The following ADGRL2 variants were observed in gnomAD, a reference collection of about 807,000 sequenced individuals.
ADGRL2 encodes calcium-independent alpha-latrotoxin receptor 2.
ADGRL2 carries 44 observed loss-of-function variants against 157.4 expected under a neutral mutation model. The observed-to-expected ratio is 0.28, with a 90% CI of 0.22 to 0.36. ADGRL2 has a LOEUF of 0.36. Ranked by LOEUF, ADGRL2 falls within the 10% of genes least tolerant of loss-of-function variation. The pLI is 1.00. For missense variants in ADGRL2, 1,510 were observed against 1,768.9 expected (o/e 0.85, Z 2.63); for synonymous variants, 585 against 624.7 (o/e 0.94, Z 0.95).
intron 1 of ADGRL2, among the ~76,000 whole-genome samples, chr1:81,419,359 A>G (rs1457953806): frequency 6.6e-6 from 1 of 152,028 alleles, no homozygotes; most frequent in Non-Finnish European, 1.5e-5. Context: ...GTCCACCACC[A>G]CACCTGGCTA....
intron 1 of ADGRL2, among the ~76,000 whole-genome samples, chr1:81,805,424 T>G (rs2088967174): frequency 2.0e-5 from 3 of 152,076 alleles, no homozygotes; most frequent in Non-Finnish European, 4.4e-5. Flanking sequence ...TAGTTTTACC[T>G]TAGATGTTTG....
chr1:81,425,264 G>A (rs956692975), intron 1 of ADGRL2, among the ~76,000 whole-genome samples: 4 of 152,190 alleles, frequency 2.6e-5, no homozygotes, highest in East Asian at 1.9e-4. Context: ...ACGTACCCAT[G>A]CATGTGTACA....
intron 1 of ADGRL2, among the ~76,000 whole-genome samples, chr1:81,408,767 T>C (rs1331661172): frequency 6.6e-6 from 1 of 152,206 alleles, no homozygotes; most frequent in East Asian, 1.9e-4. Flanking sequence ...TGAGATCATT[T>C]TTGATATCTC....
chr1:81,388,528 C>A (rs1176010624), intron 1 of ADGRL2, among the ~76,000 whole-genome samples: 2 of 152,156 alleles, frequency 1.3e-5, no homozygotes, highest in African/African-American at 4.8e-5. Flanking sequence ...CATCCCACCT[C>A]AAAATAAATG....
rs201752966 is a variant in ADGRL2 at position 81,917,429 on chromosome 1, A to AT, written c.287+10207dup. Reference sequence around the variant, plus strand: ...AAGTATATTATAGCAATGTAGTTAGATTTTTTTTAGTGCTGTTTATTACTC... The same window carrying AT: ...AAGTATATTATAGCAATGTAGTTAGATTTTTTTTTAGTGCTGTTTATTACTC... On this transcript the variant is annotated intron_variant, in intron 3 of 23. Transcript: ENST00000686636. Among the ~76,000 whole-genome samples, 1,261 of 151,788 alleles carry AT rather than the reference A, an allele frequency of 8.3e-3. 8 individuals carry two copies. Among genetic ancestry groups the AT allele is most frequent in the Non-Finnish European group, 0.014 (963 of 67,940 alleles).
At chr1:81,854,478 A>C (rs148772731) in intron 2 of ADGRL2, among the ~76,000 whole-genome samples, 1 of 152,288 alleles carries the variant, frequency 6.6e-6, no homozygotes, top group East Asian at 1.9e-4. Context: ...AACCTGTACA[A>C]GTTATTTAAC....
intron 3 of ADGRL2, among the ~76,000 whole-genome samples, chr1:81,628,589 A>G (rs1198710678): frequency 3.3e-5 from 5 of 152,168 alleles, no homozygotes; most frequent in African/African-American, 4.8e-5. Flanking sequence ...AACTGAAACC[A>G]TGAGCAAGCC....
chr1:81,714,396 C>G (rs1033110451), intron 1 of ADGRL2, among the ~76,000 whole-genome samples: 1 of 152,164 alleles, frequency 6.6e-6, no homozygotes, highest in South Asian at 2.1e-4. Flanking sequence ...CTTAAAAATA[C>G]ATGCATCAAG....
chr1:81,901,277 A>G (rs2094481268), intron 2 of ADGRL2, among the ~76,000 whole-genome samples: 2 of 152,212 alleles, frequency 1.3e-5, no homozygotes. Flanking sequence ...TGGAGAATTA[A>G]GAGGAAATAT....
chr1:81,732,816 AC>A (rs1425421980), intron 1 of ADGRL2, among the ~76,000 whole-genome samples: 1 of 152,102 alleles, frequency 6.6e-6, no homozygotes, highest in Non-Finnish European at 1.5e-5. Flanking sequence ...ATGTCTTAAG[AC>A]TTTTATTTGA....
Position 81,966,562 on chromosome 1 carries a change from C to A in ADGRL2, c.2302C>A (p.Arg768=). The change falls in exon 13 of 24, where the codon CGA becomes AGA. Residue 768 remains arginine (R), a synonymous_variant. Transcript: ENST00000686636. ...ISVSINKESS[R]VYLTDPVLFT... ...AGTTTCAATCAATAAAGAGTCCAGCCGAGTATACCTGACTGATCCTGTGCT... is the reference window on the plus strand; with the variant it reads ...AGTTTCAATCAATAAAGAGTCCAGCAGAGTATACCTGACTGATCCTGTGCT... 2.5e-6 allele frequency: 4 copies of A among 1,613,992 alleles called. No homozygotes were observed. The highest frequency in any genetic ancestry group is 3.4e-6 in the Non-Finnish European group (4 of 1,179,970).
In ADGRL2 at chr1:81,855,539, CTTCTTT is replaced by C. The variant is rs147323058; in HGVS notation, c.73+18497_73+18502del. Among the ~76,000 whole-genome samples the C allele has an allele frequency of 9.2e-5, 14 of 152,170 alleles. 1 individual carries two copies. The highest frequency in any genetic ancestry group is 1.9e-4 in the East Asian group (1 of 5,178). On this transcript the variant is annotated intron_variant, in intron 2 of 23. Coordinates refer to ENST00000686636, the MANE Select transcript of ADGRL2 (RefSeq NM_001366006.2). Reference sequence around the variant, plus strand: ...CAGTATTTTGATACTTTTTCTTCCTCTTCTTTTTCTTTTTCTTTTTTTTACTTTTTA... The same window carrying C: ...CAGTATTTTGATACTTTTTCTTCCTCTTCTTTTTCTTTTTTTTACTTTTTA...
At chr1:81,646,604 C>G (rs538529342) in intron 3 of ADGRL2, among the ~76,000 whole-genome samples, 6 of 152,210 alleles carry the variant, frequency 3.9e-5, no homozygotes, top group Admixed American at 1.3e-4. Flanking sequence ...TTAACAGGAG[C>G]CATAGTGAGG....
intron 2 of ADGRL2, among the ~76,000 whole-genome samples, chr1:81,839,501 C>G (rs751042405): frequency 2.0e-5 from 3 of 151,774 alleles, no homozygotes; most frequent in Non-Finnish European, 4.4e-5. Flanking sequence ...TACACTGCAC[C>G]ATATATGTTG....
At chr1:81,389,076 T>C (rs1298991753) in intron 1 of ADGRL2, among the ~76,000 whole-genome samples, 2 of 152,324 alleles carry the variant, frequency 1.3e-5, no homozygotes, top group East Asian at 3.9e-4. Flanking sequence ...GATCCCCACC[T>C]TTTCATTGAT....
intron 5 of ADGRL2, 54 bp downstream of exon 5, chr1:81,942,099 T>C: frequency 1.4e-6 from 1 of 697,382 alleles, no homozygotes; most frequent in Non-Finnish European, 2.7e-6. Context: ...TTATGGATGT[T>C]AACCTCCTCC....
In ADGRL2 at chr1:81,990,925, G is replaced by T; in HGVS notation, c.4190G>T (p.Ser1397Ile). The T allele has an allele frequency of 2.5e-6, 4 of 1,614,064 alleles. No homozygotes were observed. The African/African-American group carries it at 4.0e-5, about 16-fold the overall frequency. The change falls in exon 24 of 24, where the codon AGC becomes ATC. Residue 1397 changes from serine (S) to isoleucine (I), a missense_variant. Physicochemically the swap from Ser to Ile is moderately radical, Grantham distance 142. Around this residue, in one of 4 missense-constraint regions of ADGRL2, gnomAD observed 327 missense variants for 310.1 expected, o/e 1.05. Coordinates refer to ENST00000686636, the MANE Select transcript of ADGRL2 (RefSeq NM_001366006.2). ...AGAGACTCTCCCTATCCGGAGAGCA[G>T]CCCTGACATGGAAGAAGACCTCTCT... ...NLRDSPYPES[S>I]PDMEEDLSPS...
intron 1 of ADGRL2, among the ~76,000 whole-genome samples, chr1:81,378,691 C>T (rs10874228): frequency 0.58 from 87,737 of 151,646 alleles, 26,185 homozygotes; most frequent in East Asian, 0.94. Context: ...ACAATAACAA[C>T]ATATACCTCA....
chr1:81,687,394 G>A (rs953644552), intron 3 of ADGRL2, among the ~76,000 whole-genome samples: 1 of 152,152 alleles, frequency 6.6e-6, no homozygotes, highest in Non-Finnish European at 1.5e-5. Flanking sequence ...ATTATATAAT[G>A]TCTCTCTTTG....
Sources: gnomAD v4.1 joint callset for allele counts (sites outside exome capture counted in the v4.1 genomes callset) on GRCh38, gnomAD v4.1.1 for gene constraint, gnomAD v4.1.1 regional missense constraint, MANE v1.5 for transcripts, NCBI Gene and HGNC (gene_info 2026-07-23, HGNC 2026-07-21) for gene names.